NRG3: variants seen among roughly 807,000 people sequenced by gnomAD.
The protein encoded by NRG3 is pro-neuregulin-3, membrane-bound isoform.
Under a neutral mutation model 66.9 loss-of-function variants are expected in NRG3, and 31 were observed. The ratio of observed to expected loss-of-function variants is 0.46; its 90% CI spans 0.35 to 0.63. NRG3 has a LOEUF of 0.63. Among genes scored for constraint, NRG3 ranks in the 20% least tolerant of loss-of-function variants. The pLI, the probability that NRG3 is intolerant of heterozygous loss-of-function variation, is 0.00. For synonymous variants in NRG3, 393 were observed against 359.4 expected, an observed-to-expected ratio of 1.09 and a Z score of -1.06; for missense variants, 910 against 878.9, an observed-to-expected ratio of 1.04 and a Z score of -0.45.
At chr10:82,081,137 G>A (rs2065367356) in intron 1 of NRG3, among the ~76,000 whole-genome samples, 1 of 152,156 alleles carries the variant, frequency 6.6e-6, no homozygotes, top group East Asian at 1.9e-4. Context: ...GTGTGTAAAG[G>A]TATATAGACA....
intron 3 of NRG3, among the ~76,000 whole-genome samples, chr10:82,829,739 G>GA (rs1446744820): frequency 2.6e-5 from 4 of 152,158 alleles, no homozygotes; most frequent in African/African-American, 9.6e-5. Context: ...TCAGGTTTTT[G>GA]TTTGGTTGTG....
At chr10:82,254,343 T>C (rs2077614566) in intron 1 of NRG3, among the ~76,000 whole-genome samples, 2 of 152,160 alleles carry the variant, frequency 1.3e-5, no homozygotes, top group Admixed American at 1.3e-4. Context: ...CAGAACCTAA[T>C]TTCCTGAGTG....
intron 2 of NRG3, among the ~76,000 whole-genome samples, chr10:82,575,999 G>T (rs2046007689): frequency 6.6e-6 from 1 of 151,660 alleles, no homozygotes; most frequent in Non-Finnish European, 1.5e-5. Context: ...CACTACTTTG[G>T]AAGTGACTAC....
In NRG3 at chr10:82,696,155, C is replaced by T. The variant is rs935782342; in HGVS notation, c.954-42422C>T. ...CTTTTGAGACACCTTCCCAGAATGT[C>T]CCAGCAAGACTATTATTAATTTTTA... is the stretch of plus-strand genomic sequence containing the variant. On this transcript the variant is annotated intron_variant, in intron 2 of 8. Coordinates refer to ENST00000372141, the MANE Select transcript of NRG3 (RefSeq NM_001010848.4). Among the ~76,000 whole-genome samples, 2 of 152,120 alleles carry T rather than the reference C, an allele frequency of 1.3e-5. 1 individual carries two copies. The highest frequency in any genetic ancestry group is 1.3e-4 in the Admixed American group (2 of 15,254).
intron 2 of NRG3, among the ~76,000 whole-genome samples, chr10:82,375,234 C>A (rs898128178): frequency 6.6e-6 from 1 of 152,136 alleles, no homozygotes; most frequent in African/African-American, 2.4e-5. Context: ...TCACCCGAGG[C>A]TTTAAAAAAT....
intron 1 of NRG3, among the ~76,000 whole-genome samples, chr10:81,993,323 A>G (rs1381173472): frequency 6.6e-6 from 1 of 152,116 alleles, no homozygotes; most frequent in Admixed American, 6.6e-5. Flanking sequence ...CTTAGTTTAA[A>G]GTAGCTGAGA....
intron 2 of NRG3, among the ~76,000 whole-genome samples, chr10:82,649,931 G>A (rs1032027134): frequency 8.6e-5 from 13 of 152,040 alleles, no homozygotes; most frequent in African/African-American, 3.1e-4. Context: ...TGACCTTATT[G>A]TTGTAATGGT....
At chr10:82,606,834 C>T (rs1352441944) in intron 2 of NRG3, among the ~76,000 whole-genome samples, 2 of 152,274 alleles carry the variant, frequency 1.3e-5, no homozygotes, top group East Asian at 3.9e-4. Flanking sequence ...ACAGCAGACA[C>T]CAAGCAATCT....
intron 2 of NRG3, among the ~76,000 whole-genome samples, chr10:82,474,997 GA>G (rs1199554705): frequency 2.7e-5 from 4 of 150,902 alleles, no homozygotes; most frequent in East Asian, 3.9e-4. Flanking sequence ...AAAAAAGGAA[GA>G]AAAAAAACTT....
At chr10:82,975,627 A>G (rs1010475083) in intron 7 of NRG3, among the ~76,000 whole-genome samples, 5 of 152,234 alleles carry the variant, frequency 3.3e-5, no homozygotes, top group Admixed American at 3.3e-4. Context: ...TGTAAATTAT[A>G]GTTTAATATA....
At chr10:82,144,419 A>G (rs1355109310) in intron 1 of NRG3, among the ~76,000 whole-genome samples, 1 of 152,186 alleles carries the variant, frequency 6.6e-6, no homozygotes, top group Non-Finnish European at 1.5e-5. Context: ...CCTGTGTATT[A>G]TCATAGGCAA....
chr10:82,324,053 C>T (rs536162167), intron 1 of NRG3, among the ~76,000 whole-genome samples: 1 of 151,994 alleles, frequency 6.6e-6, no homozygotes, highest in South Asian at 2.1e-4. Flanking sequence ...TTTGTAGAGA[C>T]GGGGTTTCAC....
chr10:82,666,293 T>G (rs2052775134), intron 2 of NRG3, among the ~76,000 whole-genome samples: 1 of 152,224 alleles, frequency 6.6e-6, no homozygotes, highest in Non-Finnish European at 1.5e-5. Flanking sequence ...CAAACCTTTA[T>G]TATAGCTCAA....
chr10:82,900,947 A>G (rs1028341811), intron 4 of NRG3, among the ~76,000 whole-genome samples: 2 of 152,176 alleles, frequency 1.3e-5, no homozygotes, highest in African/African-American at 4.8e-5. Flanking sequence ...ACAAAATGAG[A>G]CCTCAGATCT....
At chr10:82,453,275 G>T (rs143925071) in intron 2 of NRG3, among the ~76,000 whole-genome samples, 94 of 152,102 alleles carry the variant, frequency 6.2e-4, no homozygotes, top group Non-Finnish European at 1.1e-3. Flanking sequence ...TTAGAAGAGC[G>T]CTCAGGAGCT....
At chr10:82,300,365 T>A (rs553634575) in intron 1 of NRG3, among the ~76,000 whole-genome samples, 95 of 152,334 alleles carry the variant, frequency 6.2e-4, no homozygotes, top group African/African-American at 2.1e-3. Context: ...CTTTTACTTT[T>A]GTGTGTTTGA....
chr10:82,529,971 T>C (rs1392464999), intron 2 of NRG3, among the ~76,000 whole-genome samples: 1 of 152,152 alleles, frequency 6.6e-6, no homozygotes, highest in Non-Finnish European at 1.5e-5. Context: ...ATGATGCCAG[T>C]TTTATATCGA....
At chr10:82,335,172 T>G (rs983271031) in intron 1 of NRG3, among the ~76,000 whole-genome samples, 1 of 152,206 alleles carries the variant, frequency 6.6e-6, no homozygotes, top group African/African-American at 2.4e-5. Flanking sequence ...GGCATGGGAC[T>G]CAAATCTTGT....
chr10:82,509,535 A>G (rs1391423122), intron 2 of NRG3, among the ~76,000 whole-genome samples: 1 of 152,182 alleles, frequency 6.6e-6, no homozygotes, highest in Non-Finnish European at 1.5e-5. Context: ...ACAAATCACC[A>G]TAAAGCCTGG....
Sources: allele counts gnomAD v4.1 joint callset (sites outside exome capture counted in the v4.1 genomes callset), GRCh38; gene constraint gnomAD v4.1.1; transcripts MANE v1.5; gene names NCBI Gene and HGNC (gene_info 2026-07-23, HGNC 2026-07-21).